MSRB3: variants seen among roughly 807,000 people sequenced by gnomAD.
MSRB3 encodes methionine-R-sulfoxide reductase B3.
Under a neutral mutation model 21.0 loss-of-function variants are expected in MSRB3, and 13 were observed. That is an observed-to-expected ratio of 0.62 (90% CI 0.40 to 0.98). MSRB3 has a LOEUF of 0.98. Among genes scored for constraint, MSRB3 ranks in the 50% least tolerant of loss-of-function variants. The pLI, the probability that MSRB3 is intolerant of heterozygous loss-of-function variation, is 0.00. For synonymous variants in MSRB3, 87 were observed against 88.6 expected (o/e 0.98, Z 0.10); for missense variants, 199 against 230.3 (o/e 0.86, Z 0.88).
intron 5 of MSRB3, among the ~76,000 whole-genome samples, chr12:65,384,856 C>T (rs549043072): frequency 6.6e-6 from 1 of 152,054 alleles, no homozygotes; most frequent in East Asian, 1.9e-4. Flanking sequence ...TACAGCTAGG[C>T]AGATCTTCAT....
rs1875069459 is a variant in MSRB3 at position 65,326,836 on chromosome 12, G to C, written c.87G>C (p.Arg29Ser). ...RACGLPSGSCRDKKNCKVVFS... is the reference protein window; with the variant it reads ...RACGLPSGSCSDKKNCKVVFS... ...CCTCTCTCTTTTCAGGGTCGTGTAG[G>C]GATAAAAAGAACTGTAAGGTGGTCT... The change falls in exon 3 of 7, where the codon AGG (arginine) becomes AGC (serine). Residue 29 changes from arginine (R) to serine (S), a missense_variant. Transcript: ENST00000308259. 5.0e-6 allele frequency: 8 copies of C among 1,612,900 alleles called. No homozygotes were observed. The East Asian group carries it at 1.8e-4, about 36-fold the overall frequency.
intron 5 of MSRB3, among the ~76,000 whole-genome samples, chr12:65,440,090 C>T (rs1882299271): frequency 2.0e-5 from 3 of 151,660 alleles, no homozygotes; most frequent in Admixed American, 6.6e-5. Flanking sequence ...CAAAAATGAA[C>T]AGTTTAAAAC....
chr12:65,412,308 T>G (rs1296954960), intron 5 of MSRB3, among the ~76,000 whole-genome samples: 1 of 152,148 alleles, frequency 6.6e-6, no homozygotes, highest in African/African-American at 2.4e-5. Flanking sequence ...TATATTCCCA[T>G]CTTATGGCCC....
intron 5 of MSRB3, among the ~76,000 whole-genome samples, chr12:65,396,704 A>AAAAAAGAAAG (rs1383726558): frequency 1.8e-5 from 1 of 54,134 alleles, no homozygotes; most frequent in African/African-American, 6.7e-5. Flanking sequence ...AAAAAAAAAA[A>AAAAAAGAAAG]AAAGAAAGAA....
At chr12:65,425,733 T>G (rs1881566601) in intron 5 of MSRB3, among the ~76,000 whole-genome samples, 1 of 152,152 alleles carries the variant, frequency 6.6e-6, no homozygotes, top group Non-Finnish European at 1.5e-5. Context: ...GCTATTATTT[T>G]TAATAGTTTT....
At chr12:65,304,107 G>A (rs1397492534) in intron 1 of MSRB3, among the ~76,000 whole-genome samples, 1 of 152,186 alleles carries the variant, frequency 6.6e-6, no homozygotes, top group Admixed American at 6.6e-5. Flanking sequence ...AGGACAGAAA[G>A]GGGTTTTGTA....
chr12:65,281,626 G>A (rs562496666), intron 1 of MSRB3: 151 of 152,344 alleles, frequency 9.9e-4, no homozygotes, highest in African/African-American at 3.2e-3. Flanking sequence ...AGCAGAAAGT[G>A]CTGATTATGT....
At chr12:65,458,228 C>T (rs1883176753) in intron 6 of MSRB3, among the ~76,000 whole-genome samples, 1 of 152,146 alleles carries the variant, frequency 6.6e-6, no homozygotes, top group African/African-American at 2.4e-5. Context: ...TTGGTTCCTA[C>T]CTAATTCTCA....
chr12:65,398,528 T>A lies in MSRB3; in HGVS notation c.292+29502T>A, dbSNP rs186908226. 2.4e-3 allele frequency among the ~76,000 whole-genome samples: 365 copies of A among 152,344 alleles called. 3 individuals are homozygous for A. Among genetic ancestry groups the A allele is most frequent in the African/African-American group, 8.5e-3 (354 of 41,580 alleles). The stretch of plus-strand genomic sequence containing the variant: ...ATTAGCCATTTGTCAGATGGATAGA[T>A]GGCAAAAATTTTCTCCCATTCTGTA... On this transcript the variant is annotated intron_variant, in intron 5 of 6. Coordinates refer to ENST00000308259, the MANE Select transcript of MSRB3 (RefSeq NM_001031679.3).
At chr12:65,448,728 G>A (rs922245109) in intron 5 of MSRB3, among the ~76,000 whole-genome samples, 14 of 152,250 alleles carry the variant, frequency 9.2e-5, no homozygotes, top group African/African-American at 3.1e-4. Flanking sequence ...TAACATGACT[G>A]ATAACTACTG....
chr12:65,439,833 A>G (rs1168036778), intron 5 of MSRB3, among the ~76,000 whole-genome samples: 1 of 151,740 alleles, frequency 6.6e-6, no homozygotes, highest in Admixed American at 6.6e-5. Context: ...TGGTTTTTTG[A>G]AAGATCAAAA....
chr12:65,281,139 G>A lies in MSRB3; in HGVS notation c.-52+2274G>A, dbSNP rs552814858. On this transcript the variant is annotated intron_variant, in intron 1 of 6. Coordinates refer to ENST00000308259, the MANE Select transcript of MSRB3 (RefSeq NM_001031679.3). ...AGCTACTTGGGAAGCCAAAGTGGGA[G>A]GATTGCTTGGGCCAGGGAGATCGAG... 3.9e-5 allele frequency among the ~76,000 whole-genome samples: 6 copies of A among 152,268 alleles called. No individual in the cohort carries two copies. In the East Asian group the frequency reaches 1.2e-3, roughly 29 times the overall value.
Position 65,463,465 on chromosome 12 carries a change from C to A in MSRB3, c.*143C>A. 1.0e-6 allele frequency: 1 copy of A among 1,003,344 alleles called. No individual in the cohort carries two copies. Among genetic ancestry groups the A allele is most frequent in the Non-Finnish European group, 1.4e-6 (1 of 693,246 alleles). The allele number at this position is 1,003,344 out of a possible 1,614,324, so 62.2% of individuals were successfully genotyped here. On this transcript the variant is annotated 3_prime_UTR_variant, in exon 7 of 7. Coordinates refer to ENST00000308259, the MANE Select transcript of MSRB3 (RefSeq NM_001031679.3). ...GATATTTTTTCTTCTTTTGCTTAAA[C>A]AGAAGCCCTGGCCATCCATGTATTT...
At chr12:65,388,936 G>A (rs1879329669) in intron 5 of MSRB3, among the ~76,000 whole-genome samples, 1 of 152,178 alleles carries the variant, frequency 6.6e-6, no homozygotes, top group African/African-American at 2.4e-5. Context: ...AAGCAAGAGA[G>A]CACTGGTACA....
chr12:65,360,947 A>G (rs191677717), intron 4 of MSRB3, among the ~76,000 whole-genome samples: 4 of 152,116 alleles, frequency 2.6e-5, no homozygotes, highest in East Asian at 3.9e-4. Flanking sequence ...AACATTTCCA[A>G]TTTCTTCAGC....
chr12:65,310,265 G>GA (rs1174862188), intron 2 of MSRB3, among the ~76,000 whole-genome samples: 1 of 152,134 alleles, frequency 6.6e-6, no homozygotes, highest in Non-Finnish European at 1.5e-5. Flanking sequence ...AAAGAGTACT[G>GA]GAGGAGTGTG....
intron 2 of MSRB3, among the ~76,000 whole-genome samples, chr12:65,321,056 C>T (rs73119424): frequency 0.011 from 1,657 of 152,210 alleles, 21 homozygotes; most frequent in Non-Finnish European, 0.018. Context: ...CTTCTTTGGC[C>T]ACTCTATTTA....
At chr12:65,392,462 G>A (rs535233129) in intron 5 of MSRB3, among the ~76,000 whole-genome samples, 4 of 152,304 alleles carry the variant, frequency 2.6e-5, no homozygotes, top group African/African-American at 9.6e-5. Flanking sequence ...ATATATTACA[G>A]TTCAGCATTA....
intron 2 of MSRB3, among the ~76,000 whole-genome samples, chr12:65,320,092 T>G (rs1874564413): frequency 6.6e-6 from 1 of 152,210 alleles, no homozygotes; most frequent in African/African-American, 2.4e-5. Flanking sequence ...TAGAACTCTG[T>G]GCATACATCT....
Sources: gnomAD v4.1 joint callset for allele counts (sites outside exome capture counted in the v4.1 genomes callset) on GRCh38, gnomAD v4.1.1 for gene constraint, MANE v1.5 for transcripts, NCBI Gene and HGNC (gene_info 2026-07-23, HGNC 2026-07-21) for gene names.